The following SGCZ variants were observed in gnomAD, a reference collection of about 807,000 sequenced individuals.
The protein encoded by SGCZ is sarcoglycan zeta, also known as zeta-sarcoglycan.
Under a neutral mutation model 41.3 loss-of-function variants are expected in SGCZ, and 40 were observed. The ratio of observed to expected loss-of-function variants is 0.97; its 90% confidence interval spans 0.75 to 1.26. The LOEUF (loss-of-function observed/expected upper bound fraction) is 1.26, where lower values mean the gene tolerates loss of function less well. Among genes scored for constraint, SGCZ ranks in the 50% most tolerant of loss-of-function variants. The pLI, the probability that SGCZ is intolerant of heterozygous loss-of-function variation, is 0.00. For synonymous variants in SGCZ, 206 were observed against 137.5 expected (o/e 1.50, Z -3.49); for missense variants, 552 against 369.8 (o/e 1.49, Z -4.04).
At chr8:14,338,770 C>T (rs146204072) in intron 2 of SGCZ, among the ~76,000 whole-genome samples, 1,843 of 152,056 alleles carry the variant, frequency 0.012, 35 homozygotes, top group African/African-American at 0.041. Context: ...ATAAGTTTTA[C>T]AGGGGTTTTA....
chr8:14,257,050 G>C (rs930018076), intron 3 of SGCZ, among the ~76,000 whole-genome samples: 2 of 152,096 alleles, frequency 1.3e-5, no homozygotes, highest in Non-Finnish European at 2.9e-5. Flanking sequence ...CAGGTTTCTG[G>C]CCAGGCGTGG....
intron 2 of SGCZ, among the ~76,000 whole-genome samples, chr8:14,376,454 T>C (rs1047130450): frequency 5.9e-5 from 9 of 152,232 alleles, no homozygotes; most frequent in African/African-American, 2.2e-4. Context: ...TTAACCTTTA[T>C]CCTTAAACAG....
chr8:15,209,340 G>T (rs552654405), intron 1 of SGCZ, among the ~76,000 whole-genome samples: 7 of 151,966 alleles, frequency 4.6e-5, no homozygotes, highest in Non-Finnish European at 1.0e-4. Context: ...ACTATTTGAA[G>T]GGAGTACTAA....
At chr8:14,214,955 T>C (rs1470789932) in intron 4 of SGCZ, among the ~76,000 whole-genome samples, 1 of 152,056 alleles carries the variant, frequency 6.6e-6, no homozygotes, top group Non-Finnish European at 1.5e-5. Flanking sequence ...GCAATTAAGA[T>C]GATTAGGGGA....
intron 1 of SGCZ, among the ~76,000 whole-genome samples, chr8:14,743,742 T>C (rs1031452511): frequency 2.0e-5 from 3 of 152,154 alleles, no homozygotes; most frequent in Admixed American, 6.6e-5. Flanking sequence ...TCTTTTTCCG[T>C]CTTGCAAAAA....
At chr8:14,444,450 G>A (rs1006283053) in intron 2 of SGCZ, among the ~76,000 whole-genome samples, 1 of 152,006 alleles carries the variant, frequency 6.6e-6, no homozygotes, top group Non-Finnish European at 1.5e-5. Flanking sequence ...AAGAAAATGT[G>A]GCACATATAC....
At position 15,170,068 on chromosome 8, in the gene SGCZ, G is replaced by T. The variant is rs117391760; in HGVS notation, c.39+67517C>A. On this transcript the variant is annotated intron_variant, in intron 1 of 7. Transcript: ENST00000382080. The stretch of plus-strand genomic sequence containing the variant: ...ATAACTGAGTGGTTTATCATTCAAA[G>T]AACGTTTTAAATGGCAATTGAAAAA... 9.3e-3 allele frequency among the ~76,000 whole-genome samples: 1,417 copies of T among 152,274 alleles called. 7 individuals carry two copies. The highest frequency in any genetic ancestry group is 0.014 in the Non-Finnish European group (938 of 68,020).
At chr8:14,439,263 A>G (rs995491010) in intron 2 of SGCZ, among the ~76,000 whole-genome samples, 1 of 150,582 alleles carries the variant, frequency 6.6e-6, no homozygotes, top group African/African-American at 2.4e-5. Context: ...TTGGCTTGGT[A>G]TTGTTGCTAA....
At chr8:14,207,155 T>TG (rs1563185488) in intron 4 of SGCZ, among the ~76,000 whole-genome samples, 2 of 12,734 alleles carry the variant, frequency 1.6e-4, no homozygotes, top group African/African-American at 3.1e-3. Context: ...GTGGCTATTC[T>TG]TTTTTGCTTA....
chr8:15,234,265 A>G (rs927934104), intron 1 of SGCZ, among the ~76,000 whole-genome samples: 1 of 152,218 alleles, frequency 6.6e-6, no homozygotes, highest in Non-Finnish European at 1.5e-5. Flanking sequence ...CCAGTACTCT[A>G]TAACTCAGAG....
chr8:15,109,714 T>C (rs1294282688), intron 1 of SGCZ, among the ~76,000 whole-genome samples: 1 of 152,188 alleles, frequency 6.6e-6, no homozygotes, highest in Non-Finnish European at 1.5e-5. Flanking sequence ...TTCTGGGTAG[T>C]TAAATGAGTT....
chr8:14,375,205 C>A (rs1247194398), intron 2 of SGCZ, among the ~76,000 whole-genome samples: 1 of 152,122 alleles, frequency 6.6e-6, no homozygotes, highest in Non-Finnish European at 1.5e-5. Flanking sequence ...ATATTTAATG[C>A]TGAAAGCTAC....
chr8:14,702,970 T>TAGATAGAC (rs1481150630), intron 1 of SGCZ, among the ~76,000 whole-genome samples: 1,340 of 129,190 alleles, frequency 0.01, 17 homozygotes, highest in Non-Finnish European at 0.015. Context: ...GATAGATAGA[T>TAGATAGAC]AGACAGACAG....
Position 14,088,357 on chromosome 8 carries a change from A to G in SGCZ, c.*2086T>C, listed in dbSNP as rs1325922476. On this transcript the variant is annotated 3_prime_UTR_variant, in exon 8 of 8. Coordinates refer to ENST00000382080, the MANE Select transcript of SGCZ (RefSeq NM_139167.4). ...GTTCCTAATCAAAAGAATTATTCCC[A>G]TTTGACTTAGAAAGTTTCTAATTGT... 4.6e-5 allele frequency among the ~76,000 whole-genome samples: 7 copies of G among 151,818 alleles called. No homozygotes were observed. Among genetic ancestry groups the G allele is most frequent in the Non-Finnish European group, 1.0e-4 (7 of 67,844 alleles).
chr8:14,104,337 C>T (rs936859592), intron 6 of SGCZ, among the ~76,000 whole-genome samples: 1 of 151,962 alleles, frequency 6.6e-6, no homozygotes, highest in Admixed American at 6.6e-5. Context: ...CCTCTACCAC[C>T]TGGTTTTTCA....
intron 2 of SGCZ, among the ~76,000 whole-genome samples, chr8:14,465,781 C>T (rs1801031345): frequency 6.6e-6 from 1 of 151,688 alleles, no homozygotes. Flanking sequence ...TCTTTTGATG[C>T]CTCTGTCTCC....
At chr8:14,100,430 T>C (rs1440427646) in intron 7 of SGCZ, among the ~76,000 whole-genome samples, 3 of 150,594 alleles carry the variant, frequency 2.0e-5, no homozygotes, top group African/African-American at 7.3e-5. Context: ...GAATGCAAGA[T>C]GTTTAAGAAA....
At chr8:14,416,778 G>A (rs1027071070) in intron 2 of SGCZ, among the ~76,000 whole-genome samples, 14 of 151,714 alleles carry the variant, frequency 9.2e-5, no homozygotes, top group African/African-American at 2.2e-4. Context: ...TAGTCTGCCT[G>A]GGACTCAATT....
rs1799942521 is a variant in SGCZ at position 14,932,284 on chromosome 8, A to G, written c.39+305301T>C. ...ATATTATAACATAAAATCTTTTGTT[A>G]TAAAACTTCTCGATTTCTTCATAAG... On this transcript the variant is annotated intron_variant, in intron 1 of 7. Transcript: ENST00000382080. Among the ~76,000 whole-genome samples, 2 of 152,006 alleles carry G rather than the reference A, an allele frequency of 1.3e-5. 1 individual carries two copies. Among genetic ancestry groups the G allele is most frequent in the African/African-American group, 4.8e-5 (2 of 41,300 alleles).
Sources: gnomAD v4.1 joint callset for allele counts (sites outside exome capture counted in the v4.1 genomes callset) on GRCh38, gnomAD v4.1.1 for gene constraint, MANE v1.5 for transcripts, NCBI Gene and HGNC (gene_info 2026-07-23, HGNC 2026-07-21) for gene names.